RAB27B: variants seen among roughly 807,000 people sequenced by gnomAD.
RAB27B encodes ras-related protein Rab-27B.
Under a neutral mutation model 24.6 loss-of-function variants are expected in RAB27B, and 15 were observed. The observed-to-expected ratio is 0.61, with a 90% CI of 0.41 to 0.94. The LOEUF is 0.94. RAB27B is among the 40% of genes least tolerant of loss of function. The probability of loss-of-function intolerance (pLI) is 0.00; values close to 1 mark genes in which losing one functional copy is unlikely to be tolerated. For missense variants in RAB27B, 261 were observed against 266.8 expected (o/e 0.98, Z 0.15); for synonymous variants, 105 against 92.5 (o/e 1.14, Z -0.78).
At chr18:54,796,925 C>T (rs909840402) in intron 2 of RAB27B, among the ~76,000 whole-genome samples, 2 of 152,110 alleles carry the variant, frequency 1.3e-5, no homozygotes, top group Non-Finnish European at 2.9e-5. Context: ...AGTAGTTGGT[C>T]CTGAGCAAGA....
At chr18:54,798,330 A>G (rs773330508) in intron 2 of RAB27B, among the ~76,000 whole-genome samples, 3 of 152,248 alleles carry the variant, frequency 2.0e-5, no homozygotes, top group Admixed American at 6.5e-5. Flanking sequence ...TCACAGAGTC[A>G]TAGAGGGCGA....
At chr18:54,835,814 A>G (rs1329890886) in intron 1 of RAB27B, among the ~76,000 whole-genome samples, 1 of 151,916 alleles carries the variant, frequency 6.6e-6, no homozygotes, top group Non-Finnish European at 1.5e-5. Flanking sequence ...ACTTATTTTG[A>G]AATTGGCCTA....
chr18:54,805,688 C>G (rs752590522), intron 2 of RAB27B, among the ~76,000 whole-genome samples: 2 of 152,172 alleles, frequency 1.3e-5, no homozygotes, highest in Non-Finnish European at 2.9e-5. Context: ...AAGTACAGTA[C>G]AGGTTCTTAA....
chr18:54,819,508 G>A (rs1910228244), intron 2 of RAB27B, among the ~76,000 whole-genome samples: 1 of 134,818 alleles, frequency 7.4e-6, no homozygotes, highest in African/African-American at 2.7e-5. Context: ...CTCCAGCGTG[G>A]GCGACAGAAC....
chr18:54,770,635 G>A (rs1908514679), intron 2 of RAB27B, among the ~76,000 whole-genome samples: 1 of 151,942 alleles, frequency 6.6e-6, no homozygotes, highest in Non-Finnish European at 1.5e-5. Flanking sequence ...CAACCAACAT[G>A]GAAAAATTGT....
chr18:54,775,944 A>G (rs1025256979), intron 2 of RAB27B, among the ~76,000 whole-genome samples: 7 of 152,230 alleles, frequency 4.6e-5, no homozygotes, highest in Non-Finnish European at 8.8e-5. Flanking sequence ...GTCATAAGAT[A>G]ATCATGGGAA....
At chr18:54,758,080 C>T (rs1193283636) in intron 2 of RAB27B, among the ~76,000 whole-genome samples, 2 of 151,864 alleles carry the variant, frequency 1.3e-5, no homozygotes, top group African/African-American at 2.4e-5. Flanking sequence ...CAATGCTGTG[C>T]TTTGTAACCT....
chr18:54,739,926 T>C (rs1484771433), intron 2 of RAB27B, among the ~76,000 whole-genome samples: 1 of 152,232 alleles, frequency 6.6e-6, no homozygotes, highest in Admixed American at 6.5e-5. Context: ...TTTTGAGAAA[T>C]GTCTACTCAA....
At chr18:54,845,415 A>T (rs11152019) in intron 1 of RAB27B, among the ~76,000 whole-genome samples, 6,653 of 151,330 alleles carry the variant, frequency 0.044, 629 homozygotes, top group African/African-American at 0.15. Context: ...CAAAAAAAAA[A>T]AAAATAAAAT....
intron 2 of RAB27B, among the ~76,000 whole-genome samples, chr18:54,769,166 A>G (rs1908460821): frequency 6.6e-6 from 1 of 152,240 alleles, no homozygotes; most frequent in Admixed American, 6.5e-5. Flanking sequence ...CTTCCAAGAT[A>G]CAATGGAGGT....
intron 1 of RAB27B, among the ~76,000 whole-genome samples, chr18:54,873,285 C>G (rs1229491274): frequency 6.6e-6 from 1 of 152,174 alleles, no homozygotes; most frequent in Non-Finnish European, 1.5e-5. Flanking sequence ...CTTTTCCCTA[C>G]TCTTTTTAGC....
At chr18:54,785,042 A>G (rs1479490717) in intron 2 of RAB27B, among the ~76,000 whole-genome samples, 1 of 150,188 alleles carries the variant, frequency 6.7e-6, no homozygotes, top group African/African-American at 2.4e-5. Flanking sequence ...TGTCCTCCCA[A>G]CCTATCAGCC....
intron 2 of RAB27B, among the ~76,000 whole-genome samples, chr18:54,728,703 T>C (rs1909622761): frequency 1.3e-5 from 2 of 151,490 alleles, no homozygotes; most frequent in South Asian, 4.2e-4. Flanking sequence ...GGCAAAATCC[T>C]GTCTCTATCA....
At chr18:54,725,129 T>C (rs1052858883) in intron 2 of RAB27B, among the ~76,000 whole-genome samples, 2 of 151,454 alleles carry the variant, frequency 1.3e-5, no homozygotes, top group African/African-American at 4.8e-5. Flanking sequence ...ATCAGATAGA[T>C]CTGAGGGCAC....
At chr18:54,849,804 T>A (rs1490000895) in intron 1 of RAB27B, among the ~76,000 whole-genome samples, 3 of 152,188 alleles carry the variant, frequency 2.0e-5, no homozygotes, top group African/African-American at 7.2e-5. Context: ...AAAACCTTTT[T>A]GAAACCATTT....
At chr18:54,727,512 A>T (rs1010804175) in intron 2 of RAB27B, among the ~76,000 whole-genome samples, 1 of 152,166 alleles carries the variant, frequency 6.6e-6, no homozygotes, top group Admixed American at 6.5e-5. Flanking sequence ...CAAGAGCTTC[A>T]GTTCTGGTAG....
intron 2 of RAB27B, among the ~76,000 whole-genome samples, chr18:54,802,826 A>G (rs755423208): frequency 3.9e-5 from 6 of 152,200 alleles, no homozygotes; most frequent in Non-Finnish European, 8.8e-5. Flanking sequence ...CAACGTAGCA[A>G]GAGAATGGGC....
intron 1 of RAB27B, among the ~76,000 whole-genome samples, chr18:54,866,251 G>GTGGGATCCT (rs1158457979): frequency 1.3e-5 from 2 of 150,962 alleles, no homozygotes; most frequent in African/African-American, 4.9e-5. Context: ...GGGGATCCTG[G>GTGGGATCCT]TGGGATCCTT....
chr18:54,766,475 T>C (rs199783052), intron 2 of RAB27B, among the ~76,000 whole-genome samples: 19 of 152,230 alleles, frequency 1.2e-4, no homozygotes, highest in East Asian at 3.9e-4. Flanking sequence ...CTTTTTGTTT[T>C]TGTTTTTTTT....
Sources: allele counts gnomAD v4.1 joint callset (sites outside exome capture counted in the v4.1 genomes callset), GRCh38; gene constraint gnomAD v4.1.1; transcripts MANE v1.5; gene names NCBI Gene and HGNC (gene_info 2026-07-23, HGNC 2026-07-21).